Variants in BANP observed in about 807,000 individuals in gnomAD.
BANP encodes BTG3 associated nuclear protein, also known as protein BANP.
In BANP, 11 loss-of-function variants were observed where a neutral mutation model predicts 68.1. The ratio of observed to expected loss-of-function variants is 0.16; its 90% CI spans 0.10 to 0.27. The LOEUF is 0.27. Ranked by LOEUF, BANP falls within the 10% of genes least tolerant of loss-of-function variation. The pLI, the probability that BANP is intolerant of heterozygous loss-of-function variation, is 1.00. For missense variants in BANP, 504 were observed against 722.7 expected, an observed-to-expected ratio of 0.70 and a Z score of 3.47; for synonymous variants, 329 against 303.2, an observed-to-expected ratio of 1.09 and a Z score of -0.88.
rs545184389 is a variant in BANP at position 88,057,209 on chromosome 16, C to T, written c.1312-8058C>T. On this transcript the variant is annotated intron_variant, in intron 11 of 13. Transcript: ENST00000682872. The surrounding 1 kb of genome is among the most constrained non-coding windows in gnomAD (Gnocchi z 4.6). ...GGGGAGCGACTTCACACAGCTGGCA[C>T]GGGATGCTTCGAAGTGGGGTACGGG... 3.3e-5 allele frequency among the ~76,000 whole-genome samples: 5 copies of T among 152,092 alleles called. No individual in the cohort carries two copies. The highest frequency in any genetic ancestry group is 9.7e-5 in the African/African-American group (4 of 41,394).
chr16:88,024,608 C>A (rs898936152), intron 7 of BANP, among the ~76,000 whole-genome samples: 1 of 152,176 alleles, frequency 6.6e-6, no homozygotes, highest in African/African-American at 2.4e-5. Flanking sequence ...GTAGCATCTG[C>A]GGGCGGCGCC....
chr16:88,039,588 C>T (rs7185810), intron 11 of BANP, among the ~76,000 whole-genome samples: 36,973 of 129,974 alleles, frequency 0.28, 8,854 homozygotes, highest in South Asian at 0.6. Context: ...ATTTTAAAGA[C>T]AGAACCAGCC....
intron 11 of BANP, among the ~76,000 whole-genome samples, chr16:88,049,514 G>C (rs1367021239): frequency 2.0e-5 from 3 of 152,066 alleles, no homozygotes; most frequent in Admixed American, 6.5e-5. Flanking sequence ...AGGGTCTAGG[G>C]CAGGACCCTC....
chr16:88,060,325 ACTTGGATGGTCAGTGTGGGG>A (rs1260100391), intron 11 of BANP, among the ~76,000 whole-genome samples: 2 of 152,172 alleles, frequency 1.3e-5, no homozygotes, highest in East Asian at 3.9e-4. Flanking sequence ...TCACTCCTCC[ACTTGGATGGTCAGTGTGGGG>A]CTGAGATTGG....
At chr16:88,051,653 G>A (rs2152827072) in intron 11 of BANP, among the ~76,000 whole-genome samples, 1 of 152,306 alleles carries the variant, frequency 6.6e-6, no homozygotes, top group South Asian at 2.1e-4. Context: ...CTTCAGTGTT[G>A]TGATCTCAGG....
At chr16:88,068,890 C>T (rs1429159270) in intron 12 of BANP, among the ~76,000 whole-genome samples, 1 of 2,920 alleles carries the variant, frequency 3.4e-4, no homozygotes, top group Non-Finnish European at 7.7e-3. Flanking sequence ...TGGGCGCTCT[C>T]GTCCCCAGCC....
At position 88,022,839 on chromosome 16, in the gene BANP, C is replaced by G. The variant is rs371705102; in HGVS notation, c.895+4172C>G. On this transcript the variant is annotated intron_variant, in intron 7 of 13. Coordinates refer to ENST00000682872, the MANE Select transcript of BANP (RefSeq NM_001386991.1). ...CCCATGTCTCCCTCTGTGTCCCTCTCCTTATGAGGACAGTCACTGGATTTG... is the reference window on the plus strand; with the variant it reads ...CCCATGTCTCCCTCTGTGTCCCTCTGCTTATGAGGACAGTCACTGGATTTG... 1.8e-4 allele frequency among the ~76,000 whole-genome samples: 28 copies of G among 152,324 alleles called. 1 individual carries two copies. The South Asian group carries it at 3.7e-3, about 20-fold the overall frequency.
At chr16:88,015,503 GGA>G (rs1442725731) in intron 6 of BANP, among the ~76,000 whole-genome samples, 1 of 152,244 alleles carries the variant, frequency 6.6e-6, no homozygotes, top group African/African-American at 2.4e-5. Flanking sequence ...TTACCTTCCT[GGA>G]GCACGTGGCC....
At chr16:88,007,281 G>A (rs1025295151) in intron 6 of BANP, among the ~76,000 whole-genome samples, 5 of 152,184 alleles carry the variant, frequency 3.3e-5, no homozygotes, top group Non-Finnish European at 4.4e-5. Flanking sequence ...TGGGCTCTCA[G>A]AGGCAGGTTG....
Position 88,063,125 on chromosome 16 carries a change from C to T in BANP, c.1312-2142C>T, listed in dbSNP as rs372777487. 1.1e-3 allele frequency among the ~76,000 whole-genome samples: 167 copies of T among 152,344 alleles called. 3 individuals carry two copies. The South Asian group carries it at 0.029, about 27-fold the overall frequency. ...CTCAGCCTGCAGCAGCGCAGCCAAG[C>T]GGAGGGCGCACCGCGGCCTTCTGTG... On this transcript the variant is annotated intron_variant, in intron 11 of 13. Coordinates refer to ENST00000682872, the MANE Select transcript of BANP (RefSeq NM_001386991.1).
chr16:88,015,209 C>G (rs933435012), intron 6 of BANP, among the ~76,000 whole-genome samples: 3 of 150,290 alleles, frequency 2.0e-5, no homozygotes, highest in African/African-American at 7.4e-5. Flanking sequence ...TCTGCCCATC[C>G]CTCTGCTTGT....
intron 2 of BANP, among the ~76,000 whole-genome samples, chr16:87,977,997 G>A (rs539629271): frequency 1.3e-4 from 20 of 152,222 alleles, no homozygotes; most frequent in African/African-American, 3.1e-4. Context: ...CACCATGCCC[G>A]GCTAATTTTT....
intron 11 of BANP, among the ~76,000 whole-genome samples, chr16:88,043,432 G>T (rs574420607): frequency 9.2e-5 from 14 of 152,322 alleles, no homozygotes; most frequent in African/African-American, 7.2e-5. Context: ...CCTCACTGGG[G>T]GTGTGAGGCA....
At chr16:88,015,708 G>C (rs1481505314) in intron 6 of BANP, among the ~76,000 whole-genome samples, 1 of 152,244 alleles carries the variant, frequency 6.6e-6, no homozygotes, top group Non-Finnish European at 1.5e-5. Context: ...GCGGGGCCGA[G>C]GTCTCGCGCT....
intron 6 of BANP, among the ~76,000 whole-genome samples, chr16:88,014,709 A>C (rs11646829): frequency 0.3 from 45,906 of 151,460 alleles, 8,077 homozygotes; most frequent in Non-Finnish European, 0.42. Context: ...TGCATCACCC[A>C]CATCCCGGTG....
intron 11 of BANP, among the ~76,000 whole-genome samples, chr16:88,045,781 C>G (rs2081885605): frequency 8.1e-6 from 1 of 123,014 alleles, no homozygotes; most frequent in African/African-American, 3.2e-5. Flanking sequence ...TGGGAGAGAA[C>G]TGGATGGGTG....
intron 13 of BANP, 60 bp from the exon 14 acceptor site, chr16:88,076,530 C>T (rs898676443): frequency 1.4e-6 from 2 of 1,469,964 alleles, no homozygotes; most frequent in African/African-American, 2.8e-5. Context: ...TTCATGACAC[C>T]CCCTGGCCAT....
At chr16:88,044,960 C>G (rs924922304) in intron 11 of BANP, among the ~76,000 whole-genome samples, 8 of 151,330 alleles carry the variant, frequency 5.3e-5, no homozygotes, top group African/African-American at 1.9e-4. Flanking sequence ...CCAGCCTGGG[C>G]AACAGAGCGC....
intron 6 of BANP, among the ~76,000 whole-genome samples, chr16:88,013,151 C>T (rs1340520595): frequency 1.3e-5 from 2 of 152,198 alleles, no homozygotes; most frequent in African/African-American, 2.4e-5. Flanking sequence ...TGGCCTAGAG[C>T]GTTTGCCTCC....
Sources: allele counts gnomAD v4.1 joint callset (sites outside exome capture counted in the v4.1 genomes callset), GRCh38; gene constraint gnomAD v4.1.1; non-coding constraint Gnocchi (gnomAD v3.1); transcripts MANE v1.5; gene names NCBI Gene and HGNC (gene_info 2026-07-23, HGNC 2026-07-21).